The following ELMO1 variants were observed in gnomAD, a reference collection of about 807,000 sequenced individuals.
ELMO1 encodes the protein engulfment and cell motility 1, also known as engulfment and cell motility protein 1.
ELMO1 carries 26 observed loss-of-function variants against 98.9 expected under a neutral mutation model. The observed-to-expected ratio is 0.26, with a 90% confidence interval of 0.19 to 0.36. The LOEUF is 0.36. Ranked by LOEUF, ELMO1 falls within the 10% of genes least tolerant of loss-of-function variation. ELMO1 has a pLI of 1.00. For synonymous variants in ELMO1, 346 were observed against 346.0 expected, an observed-to-expected ratio of 1.00 and a Z score of 0.00; for missense variants, 627 against 935.2, an observed-to-expected ratio of 0.67 and a Z score of 4.30.
At chr7:37,299,304 G>C (rs1173607940) in intron 4 of ELMO1, among the ~76,000 whole-genome samples, 1 of 151,902 alleles carries the variant, frequency 6.6e-6, no homozygotes, top group Non-Finnish European at 1.5e-5. Flanking sequence ...AAGCTCTTTA[G>C]TTGCCATTGC....
chr7:37,043,699 C>T (rs138769803), intron 15 of ELMO1, among the ~76,000 whole-genome samples: 374 of 152,178 alleles, frequency 2.5e-3, no homozygotes, highest in Non-Finnish European at 4.4e-3. Flanking sequence ...GAACATTATC[C>T]GAAAGGTTCC....
intron 15 of ELMO1, among the ~76,000 whole-genome samples, chr7:37,074,396 A>G (rs1244905914): frequency 6.6e-6 from 1 of 152,160 alleles, no homozygotes; most frequent in African/African-American, 2.4e-5. Flanking sequence ...GTGTTAGAAT[A>G]TAAACAAATA....
chr7:37,025,317 G>A (rs1794504117), intron 15 of ELMO1, among the ~76,000 whole-genome samples: 1 of 152,192 alleles, frequency 6.6e-6, no homozygotes, highest in South Asian at 2.1e-4. Context: ...CACTTATCTT[G>A]CTAAATAGAT....
At position 37,164,837 on chromosome 7, in the gene ELMO1, A is replaced by G. The variant is rs574585145; in HGVS notation, c.1087-31603T>C. ...GCAATGCGGGCTCTTTTTTGGTTCC[A>G]TATGAACTTTAAAGTAGTTTTTTCC... On this transcript the variant is annotated intron_variant, in intron 13 of 21. Transcript: ENST00000310758. Among the ~76,000 whole-genome samples the G allele has an allele frequency of 1.3e-4, 20 of 150,634 alleles. No individual in the cohort carries two copies. The South Asian group carries it at 4.1e-3, about 31-fold the overall frequency.
intron 16 of ELMO1, among the ~76,000 whole-genome samples, chr7:36,965,506 C>T (rs1159145945): frequency 6.6e-6 from 1 of 152,172 alleles, no homozygotes; most frequent in East Asian, 1.9e-4. Context: ...TGCCGAGATG[C>T]TCAACCTGGT....
intron 7 of ELMO1, among the ~76,000 whole-genome samples, chr7:37,234,596 C>G (rs569352100): frequency 1.3e-5 from 2 of 152,208 alleles, no homozygotes; most frequent in Non-Finnish European, 2.9e-5. Context: ...TGGAGTCAGA[C>G]AGCAGGGGTT....
intron 16 of ELMO1, among the ~76,000 whole-genome samples, chr7:36,923,969 C>T (rs1038660400): frequency 2.6e-5 from 4 of 152,056 alleles, no homozygotes; most frequent in East Asian, 1.9e-4. Flanking sequence ...GAGGAAAAGA[C>T]GTGATGAGGC....
At chr7:37,074,918 GT>G (rs1343458862) in intron 15 of ELMO1, among the ~76,000 whole-genome samples, 1 of 152,132 alleles carries the variant, frequency 6.6e-6, no homozygotes, top group Non-Finnish European at 1.5e-5. Context: ...AGCAGTAAGG[GT>G]TTTTCCACAG....
Position 37,261,672 on chromosome 7 carries a change from G to A in ELMO1, c.244-2322C>T, listed in dbSNP as rs149489796. ...GGCTGGAGTGCAGTGGCACAATCTC[G>A]ACTCACTGCAACCTCCGCCTCCCAG... On this transcript the variant is annotated intron_variant, in intron 5 of 21. Coordinates refer to ENST00000310758, the MANE Select transcript of ELMO1 (RefSeq NM_014800.11). Among the ~76,000 whole-genome samples the A allele has an allele frequency of 2.6e-3, 392 of 151,908 alleles. 9 individuals carry two copies. The East Asian group carries it at 0.055, about 21-fold the overall frequency.
intron 4 of ELMO1, among the ~76,000 whole-genome samples, chr7:37,292,720 C>T (rs1418859978): frequency 2.9e-4 from 28 of 95,148 alleles, no homozygotes; most frequent in African/African-American, 8.2e-4. Context: ...GGCAGCCGCC[C>T]CGTCCGGGAG....
At chr7:37,092,924 T>C (rs1330855596) in intron 15 of ELMO1, among the ~76,000 whole-genome samples, 1 of 151,800 alleles carries the variant, frequency 6.6e-6, no homozygotes, top group Non-Finnish European at 1.5e-5. Flanking sequence ...TCTTTTTTTT[T>C]TTTTTTGGCT....
intron 16 of ELMO1, among the ~76,000 whole-genome samples, chr7:36,923,249 C>T: frequency 6.6e-6 from 1 of 152,176 alleles, no homozygotes; most frequent in East Asian, 1.9e-4. Context: ...AGAACACAAC[C>T]TTATAGAACT....
chr7:37,093,944 C>G (rs186790870), intron 15 of ELMO1, among the ~76,000 whole-genome samples: 1 of 152,222 alleles, frequency 6.6e-6, no homozygotes, highest in East Asian at 1.9e-4. Flanking sequence ...GATGGGCATG[C>G]GTTAAAAAAC....
intron 16 of ELMO1, among the ~76,000 whole-genome samples, chr7:37,004,708 T>C (rs536638856): frequency 1.2e-4 from 19 of 152,236 alleles, no homozygotes; most frequent in South Asian, 6.2e-4. Flanking sequence ...TTTTTATAAA[T>C]GCTCCTGTTA....
At chr7:37,140,326 T>C (rs1296424095) in intron 13 of ELMO1, among the ~76,000 whole-genome samples, 3 of 150,826 alleles carry the variant, frequency 2.0e-5, no homozygotes, top group South Asian at 2.1e-4. Context: ...GCAGAGCTTG[T>C]AGTGAGCCGA....
intron 15 of ELMO1, among the ~76,000 whole-genome samples, chr7:37,041,655 T>C (rs1404786194): frequency 1.3e-5 from 2 of 152,012 alleles, no homozygotes; most frequent in Non-Finnish European, 2.9e-5. Context: ...TAAATTTAAA[T>C]TGAAGTCACA....
At chr7:36,888,752 G>A (rs1805268829) in intron 17 of ELMO1, among the ~76,000 whole-genome samples, 1 of 152,312 alleles carries the variant, frequency 6.6e-6, no homozygotes, top group Non-Finnish European at 1.5e-5. Context: ...ATATTACCCT[G>A]TAGTCAAGGC....
intron 13 of ELMO1, among the ~76,000 whole-genome samples, chr7:37,161,333 A>T (rs535351734): frequency 5.9e-5 from 9 of 152,118 alleles, no homozygotes; most frequent in African/African-American, 2.2e-4. Flanking sequence ...CACCATTCTG[A>T]GCCCACACTT....
At position 36,913,162 on chromosome 7, in the gene ELMO1, A is replaced by G. The variant is rs556982121; in HGVS notation, c.1438-18145T>C. On this transcript the variant is annotated intron_variant, in intron 16 of 21. Coordinates refer to ENST00000310758, the MANE Select transcript of ELMO1 (RefSeq NM_014800.11). ...ATGTTAATTACACTGTGTGTAATTT[A>G]TAAATTCACATTGGCCACATTCATT... Among the ~76,000 whole-genome samples, 5 of 152,348 alleles carry G rather than the reference A, an allele frequency of 3.3e-5. No individual in the cohort carries two copies. The South Asian group carries it at 1.0e-3, about 32-fold the overall frequency.
Sources: allele counts gnomAD v4.1 joint callset (sites outside exome capture counted in the v4.1 genomes callset), GRCh38; gene constraint gnomAD v4.1.1; transcripts MANE v1.5; gene names NCBI Gene and HGNC (gene_info 2026-07-23, HGNC 2026-07-21).